The following CERKL variants were observed in gnomAD, a reference collection of about 807,000 sequenced individuals.
CERKL encodes CERK like autophagy regulator, also known as ceramide kinase-like protein.
Under a neutral mutation model 63.4 loss-of-function variants are expected in CERKL, and 61 were observed. The observed-to-expected ratio is 0.96, with a 90% CI of 0.78 to 1.19. The LOEUF (loss-of-function observed/expected upper bound fraction) is 1.19, where lower values mean the gene tolerates loss of function less well. Among genes scored for constraint, CERKL ranks in the 50% most tolerant of loss-of-function variants. The pLI is 0.00. For synonymous variants in CERKL, 250 were observed against 230.5 expected, an observed-to-expected ratio of 1.08 and a Z score of -0.77; for missense variants, 675 against 655.5, an observed-to-expected ratio of 1.03 and a Z score of -0.33.
chr2:181,656,617 G>A (rs1327181052), intron 1 of CERKL, 152 bp downstream of exon 1: 5 of 635,232 alleles, frequency 7.9e-6, no homozygotes, highest in Admixed American at 3.4e-5. Flanking sequence ...GCGACTTGGG[G>A]ACTCGGTAAC....
intron 1 of CERKL, among the ~76,000 whole-genome samples, chr2:181,640,153 A>G (rs62189990): frequency 2.2e-4 from 33 of 152,152 alleles, no homozygotes; most frequent in Non-Finnish European, 3.8e-4. Context: ...CACCCATTAC[A>G]CTAAGTTTCC....
intron 1 of CERKL, among the ~76,000 whole-genome samples, chr2:181,628,352 T>A (rs770285265): frequency 5.9e-5 from 9 of 152,152 alleles, no homozygotes; most frequent in Non-Finnish European, 1.0e-4. Context: ...AAAGAGGGTG[T>A]TTTAAAATGG....
intron 2 of CERKL, among the ~76,000 whole-genome samples, chr2:181,578,503 TTGGC>T (rs1420116874): frequency 5.3e-5 from 8 of 150,070 alleles, no homozygotes; most frequent in Admixed American, 5.3e-4. Context: ...TTTTGCCATG[TTGGC>T]CAGGCTCATC....
At chr2:181,545,411 C>A (rs957262652) in intron 10 of CERKL, among the ~76,000 whole-genome samples, 1 of 152,036 alleles carries the variant, frequency 6.6e-6, no homozygotes, top group Non-Finnish European at 1.5e-5. Flanking sequence ...TGATTTAGTG[C>A]CAAAACAGCC....
chr2:181,631,412 G>A (rs987006527), intron 1 of CERKL, among the ~76,000 whole-genome samples: 10 of 152,244 alleles, frequency 6.6e-5, no homozygotes. Context: ...TGGAGAAACA[G>A]GCACACTGGA....
intron 2 of CERKL, among the ~76,000 whole-genome samples, chr2:181,577,552 G>A (rs1684305170): frequency 6.6e-6 from 1 of 152,186 alleles, no homozygotes; most frequent in Admixed American, 6.5e-5. Context: ...CAACAAGAAT[G>A]TGGGGGAAAT....
intron 4 of CERKL, among the ~76,000 whole-genome samples, chr2:181,563,334 A>T (rs1688524633): frequency 6.6e-6 from 1 of 151,934 alleles, no homozygotes; most frequent in Non-Finnish European, 1.5e-5. Context: ...GTAATTCATT[A>T]AAAAAAATAA....
At position 181,539,216 on chromosome 2, in the gene CERKL, G is replaced by T; in HGVS notation, c.1414C>A (p.His472Asn). 1 of 1,603,902 alleles carries T rather than the reference G, an allele frequency of 6.2e-7. No homozygotes were observed. The highest frequency in any genetic ancestry group is 8.5e-7 in the Non-Finnish European group (1 of 1,171,012). ...ETYTVEEVKV[H>N]PRNNTGGYNP... is the part of the protein sequence containing the mutation. ...TATCCACCAGTATTATTCCTTGGAT[G>T]AACTTTTACTTCCTCAACAGTGTAA... is the stretch of plus-strand genomic sequence containing the variant. The change falls in exon 12 of 13, where the codon CAT becomes AAT. Residue 472 changes from histidine (H) to asparagine (N), a missense_variant. Coordinates refer to ENST00000410087, the MANE Select transcript of CERKL (RefSeq NM_201548.5).
At chr2:181,640,531 A>G (rs946507078) in intron 1 of CERKL, among the ~76,000 whole-genome samples, 26 of 152,178 alleles carry the variant, frequency 1.7e-4, no homozygotes, top group African/African-American at 5.8e-4. Context: ...ATAACAAGTG[A>G]TATGGTTATG....
chr2:181,605,817 C>T (rs1685651531), intron 1 of CERKL, among the ~76,000 whole-genome samples: 2 of 152,010 alleles, frequency 1.3e-5, no homozygotes, highest in African/African-American at 4.8e-5. Context: ...CTAAAAGTAA[C>T]AGAAAGCAGA....
intron 10 of CERKL, among the ~76,000 whole-genome samples, chr2:181,546,131 A>G (rs1279643367): frequency 6.6e-6 from 1 of 152,210 alleles, no homozygotes; most frequent in Non-Finnish European, 1.5e-5. Flanking sequence ...TGTTGTGATT[A>G]TAAACCACAG....
intron 1 of CERKL, among the ~76,000 whole-genome samples, chr2:181,650,791 GAACA>G (rs1283564500): frequency 6.7e-6 from 1 of 148,440 alleles, no homozygotes; most frequent in African/African-American, 2.6e-5. Context: ...AAAAAGAACA[GAACA>G]AACTAATCCC....
intron 5 of CERKL, among the ~76,000 whole-genome samples, chr2:181,556,220 T>C (rs1347954305): frequency 6.6e-6 from 1 of 151,196 alleles, no homozygotes; most frequent in Non-Finnish European, 1.5e-5. Context: ...CCTTTATATA[T>C]ATATATGTTC....
chr2:181,633,950 G>A (rs999359363), intron 1 of CERKL, among the ~76,000 whole-genome samples: 3 of 152,058 alleles, frequency 2.0e-5, no homozygotes, highest in Non-Finnish European at 4.4e-5. Flanking sequence ...AATTCAGAGA[G>A]TACTTTCAGG....
intron 2 of CERKL, among the ~76,000 whole-genome samples, chr2:181,587,058 TA>T (rs747240298): frequency 2.0e-5 from 3 of 152,166 alleles, no homozygotes; most frequent in Non-Finnish European, 2.9e-5. Context: ...ACAGTGATGG[TA>T]AAAGCCTTTC....
Position 181,613,446 on chromosome 2 carries a change from CT to C in CERKL, c.239-9368del, listed in dbSNP as rs1229441560. Among the ~76,000 whole-genome samples the C allele has an allele frequency of 5.9e-5, 9 of 152,254 alleles. No homozygotes were observed. The East Asian group carries it at 1.7e-3, about 29-fold the overall frequency. ...CCCAACAGTGAAAATTCTGAAAATCCTTGTAAGGCTCTGAGCAGTATTTCCT... is the reference window on the plus strand; with the variant it reads ...CCCAACAGTGAAAATTCTGAAAATCCTGTAAGGCTCTGAGCAGTATTTCCT... On this transcript the variant is annotated intron_variant, in intron 1 of 12. Coordinates refer to ENST00000410087, the MANE Select transcript of CERKL (RefSeq NM_201548.5).
chr2:181,554,855 C>T (rs1017538532), intron 5 of CERKL, among the ~76,000 whole-genome samples: 1 of 152,100 alleles, frequency 6.6e-6, no homozygotes, highest in African/African-American at 2.4e-5. Flanking sequence ...TATCAAAAGC[C>T]CTGACTAGGC....
intron 2 of CERKL, among the ~76,000 whole-genome samples, chr2:181,581,805 A>T (rs1486641058): frequency 1.3e-5 from 2 of 152,186 alleles, no homozygotes; most frequent in African/African-American, 2.4e-5. Flanking sequence ...ACTTGGCAAT[A>T]GTGGCAATTC....
intron 2 of CERKL, among the ~76,000 whole-genome samples, chr2:181,575,300 C>A (rs1689082574): frequency 6.6e-6 from 1 of 152,194 alleles, no homozygotes. Context: ...ATTCAGAATC[C>A]TCCTGCTCCC....
Sources: allele counts gnomAD v4.1 joint callset (sites outside exome capture counted in the v4.1 genomes callset), GRCh38; gene constraint gnomAD v4.1.1; transcripts MANE v1.5; gene names NCBI Gene and HGNC (gene_info 2026-07-23, HGNC 2026-07-21).